The following THSD4 variants were observed in gnomAD, a reference collection of about 807,000 sequenced individuals.
THSD4 encodes thrombospondin type 1 domain containing 4.
THSD4 carries 69 observed loss-of-function variants against 119.0 expected under a neutral mutation model. The observed-to-expected ratio is 0.58, with a 90% CI of 0.48 to 0.71. The LOEUF is 0.71. THSD4 is among the 30% of genes least tolerant of loss of function. The pLI is 0.00. For synonymous variants in THSD4, 524 were observed against 540.4 expected (o/e 0.97, Z 0.42); for missense variants, 1,393 against 1,391.1 (o/e 1.00, Z -0.02).
chr15:71,593,082 A>G (rs898775510), intron 7 of THSD4, among the ~76,000 whole-genome samples: 1 of 152,184 alleles, frequency 6.6e-6, no homozygotes, highest in African/African-American at 2.4e-5. Context: ...GGAAGTGAGC[A>G]GAGGTTTCTA....
chr15:71,582,129 G>A (rs1160336508), intron 7 of THSD4, among the ~76,000 whole-genome samples: 1 of 152,030 alleles, frequency 6.6e-6, no homozygotes, highest in African/African-American at 2.4e-5. Flanking sequence ...TCCAATCCAT[G>A]AATGTAGATC....
intron 6 of THSD4, among the ~76,000 whole-genome samples, chr15:71,352,222 C>G (rs1474632435): frequency 6.6e-6 from 1 of 152,232 alleles, no homozygotes; most frequent in African/African-American, 2.4e-5. Context: ...TTTGGAAAGA[C>G]TGAAGCTTCC....
At chr15:71,756,000 G>GA (rs1188923008) in intron 14 of THSD4, among the ~76,000 whole-genome samples, 1 of 152,206 alleles carries the variant, frequency 6.6e-6, no homozygotes, top group Non-Finnish European at 1.5e-5. Flanking sequence ...AGTCTGTCCA[G>GA]AAGGAGGTAT....
intron 1 of THSD4, among the ~76,000 whole-genome samples, chr15:71,127,548 C>A (rs1290702103): frequency 6.6e-6 from 1 of 152,178 alleles, no homozygotes; most frequent in African/African-American, 2.4e-5. Context: ...GCAAGATTTT[C>A]TTTTTCTCCA....
chr15:71,105,750 T>C (rs2141341259), intron 1 of THSD4, among the ~76,000 whole-genome samples: 1 of 152,352 alleles, frequency 6.6e-6, no homozygotes, highest in East Asian at 1.9e-4. Flanking sequence ...ATTAGAGGCA[T>C]TCCACCCAAA....
intron 1 of THSD4, among the ~76,000 whole-genome samples, chr15:71,133,472 T>C (rs2040521917): frequency 6.6e-6 from 1 of 152,164 alleles, no homozygotes; most frequent in Non-Finnish European, 1.5e-5. Flanking sequence ...CAAATAAGTC[T>C]TTGAGGAAGA....
chr15:71,434,434 C>CTTTTT lies in THSD4; in HGVS notation c.1152+22635_1152+22639dup, dbSNP rs34097873. Among the ~76,000 whole-genome samples, 5 of 82,536 alleles carry CTTTTT rather than the reference C, an allele frequency of 6.1e-5. 1 individual carries two copies. The highest frequency in any genetic ancestry group is 8.7e-5 in the Non-Finnish European group (4 of 45,798). The allele number at this position is 82,536 out of a possible 152,430, so 54.1% of individuals were successfully genotyped here. ...CAAAACAAAAAGAGGTCAGTGGTCCCTTTTTTTTTTTTTTTTTTTTTTTTT... is the reference window on the plus strand; with the variant it reads ...CAAAACAAAAAGAGGTCAGTGGTCCCTTTTTTTTTTTTTTTTTTTTTTTTTTTTTT... On this transcript the variant is annotated intron_variant, in intron 7 of 17. Transcript: ENST00000261862.
At chr15:71,471,974 G>A (rs1241989337) in intron 7 of THSD4, among the ~76,000 whole-genome samples, 8 of 152,128 alleles carry the variant, frequency 5.3e-5, no homozygotes. Context: ...CAGTGCAGTG[G>A]CACAATCATG....
At chr15:71,201,940 T>C (rs1353247343) in intron 3 of THSD4, among the ~76,000 whole-genome samples, 1 of 152,242 alleles carries the variant, frequency 6.6e-6, no homozygotes, top group Non-Finnish European at 1.5e-5. Context: ...GGGAAACTTC[T>C]TCTGTGAATA....
chr15:71,341,448 C>T lies in THSD4; in HGVS notation c.1016-70239C>T, dbSNP rs755917364. 1.9e-6 allele frequency: 3 copies of T among 1,613,146 alleles called. No individual in the cohort carries two copies. In the South Asian group the frequency reaches 3.3e-5, roughly 18 times the overall value. On this transcript the variant is annotated intron_variant, in intron 6 of 17. Coordinates refer to ENST00000261862, the MANE Select transcript of THSD4 (RefSeq NM_024817.3). The stretch of plus-strand genomic sequence containing the variant: ...TTTTTAAGCATGTGCAGCAAGAATT[C>T]AGCACTCTTTTTGGGCCACCGACCT...
Position 71,771,214 on chromosome 15 carries a change from T to A in THSD4, c.2914+6T>A. 5.0e-6 allele frequency: 8 copies of A among 1,612,768 alleles called. No homozygotes were observed. The highest frequency in any genetic ancestry group is 6.8e-6 in the Non-Finnish European group (8 of 1,179,696). On this transcript the variant is annotated splice_donor_region_variant and intron_variant, in intron 17 of 17. Transcript: ENST00000261862. ...GGACTGTGTCCCTGAAGTTGGTAAG[T>A]AGAGATTTCAATCATGGGGGAAAGG...
intron 3 of THSD4, among the ~76,000 whole-genome samples, chr15:71,193,015 A>C (rs926927249): frequency 6.6e-6 from 1 of 152,234 alleles, no homozygotes; most frequent in African/African-American, 2.4e-5. Context: ...AGAAATGAGC[A>C]GTGGGACCTC....
chr15:71,130,501 A>G (rs1756457381), intron 1 of THSD4, among the ~76,000 whole-genome samples: 1 of 151,534 alleles, frequency 6.6e-6, no homozygotes, highest in Admixed American at 6.6e-5. Flanking sequence ...AGGCAGTTTA[A>G]TTTAGTGCTA....
At chr15:71,573,597 A>G (rs557607287) in intron 7 of THSD4, among the ~76,000 whole-genome samples, 1 of 152,308 alleles carries the variant, frequency 6.6e-6, no homozygotes, top group Admixed American at 6.5e-5. Flanking sequence ...TAAACACCAT[A>G]CTGTTTTAAT....
In THSD4 at chr15:71,731,127, C is replaced by A. The variant is rs773494479; in HGVS notation, c.1540C>A (p.His514Asn). The change falls in exon 10 of 18, where the codon CAC becomes AAC. Residue 514 changes from histidine to asparagine, a missense_variant. His to Asn is a moderately conservative substitution (Grantham distance 68, BLOSUM62 1). Transcript: ENST00000261862. ...CTGATTTTTGTGTCAGCAGATGATACACCAGCAGCCAAACCCAGGCGTGCA... is the reference window on the plus strand; with the variant it reads ...CTGATTTTTGTGTCAGCAGATGATAAACCAGCAGCCAAACCCAGGCGTGCA... ...TNEILDVYMI[H>N]QQPNPGVHYE... 5 of 1,614,106 alleles carry A rather than the reference C, an allele frequency of 3.1e-6. No homozygotes were observed. In the South Asian group the frequency reaches 4.4e-5, roughly 14 times the overall value.
chr15:71,541,418 C>T (rs897328877), intron 7 of THSD4, among the ~76,000 whole-genome samples: 2 of 152,168 alleles, frequency 1.3e-5, no homozygotes, highest in Non-Finnish European at 2.9e-5. Flanking sequence ...AAATTTTCCT[C>T]GCATTTCTGT....
rs2043923960 is a variant in THSD4 at position 71,215,360 on chromosome 15, A to G, written c.425A>G (p.His142Arg). 6.5e-7 allele frequency: 1 copy of G among 1,532,242 alleles called. No individual in the cohort carries two copies. The highest frequency in any genetic ancestry group is 2.0e-5 in the Admixed American group (1 of 50,854). The allele number at this position is 1,532,242 out of a possible 1,614,324, so 94.9% of individuals were successfully genotyped here. A position where few individuals can be genotyped will look rare whatever the true frequency, so the allele number is the denominator to read the frequency against. The change falls in exon 4 of 18, where the codon CAC becomes CGC. Residue 142 changes from histidine to arginine, a missense_variant. Coordinates refer to ENST00000261862, the MANE Select transcript of THSD4 (RefSeq NM_024817.3). ...QGPTVLRGSR[H>R]PQPQGLEVTG... Reference sequence around the variant, plus strand: ...CCCACGGTGCTGCGAGGCAGCCGGCACCCACAGCCCCAGGGCCTCGAAGTC... The same window carrying G: ...CCCACGGTGCTGCGAGGCAGCCGGCGCCCACAGCCCCAGGGCCTCGAAGTC...
At chr15:71,547,607 CT>C (rs1167862688) in intron 7 of THSD4, 7 of 1,074,720 alleles carry the variant, frequency 6.5e-6, no homozygotes, top group Non-Finnish European at 7.7e-6. Flanking sequence ...CTTTATATTA[CT>C]TTTGTAGGCT....
At chr15:71,508,951 T>TTC (rs1555421809) in intron 7 of THSD4, among the ~76,000 whole-genome samples, 1 of 150,974 alleles carries the variant, frequency 6.6e-6, no homozygotes, top group African/African-American at 2.4e-5. Flanking sequence ...TTTTTTTTTT[T>TTC]CAAAAAAGGA....
Sources: gnomAD v4.1 joint callset for allele counts (sites outside exome capture counted in the v4.1 genomes callset) on GRCh38, gnomAD v4.1.1 for gene constraint, MANE v1.5 for transcripts, NCBI Gene and HGNC (gene_info 2026-07-23, HGNC 2026-07-21) for gene names.